The following TMF1 variants were observed in gnomAD, a reference collection of about 807,000 sequenced individuals.
TMF1 encodes the protein TATA element modulatory factor.
TMF1 carries 71 observed loss-of-function variants against 126.5 expected under a neutral mutation model. That is an observed-to-expected ratio of 0.56 (90% CI 0.46 to 0.68). The LOEUF (loss-of-function observed/expected upper bound fraction) is 0.68, where lower values mean the gene tolerates loss of function less well. TMF1 is among the 30% of genes least tolerant of loss of function. The pLI is 0.00. For missense variants in TMF1, 1,259 were observed against 1,253.2 expected, an observed-to-expected ratio of 1.00 and a Z score of -0.07; for synonymous variants, 461 against 430.5, an observed-to-expected ratio of 1.07 and a Z score of -0.88.
In TMF1 at chr3:69,052,072, G is replaced by T; in HGVS notation, c.15C>A (p.Asn5Lys). 6.2e-7 allele frequency: 1 copy of T among 1,611,708 alleles called. No individual in the cohort carries two copies. The highest frequency in any genetic ancestry group is 8.5e-7 in the Non-Finnish European group (1 of 1,179,330). Residue 5 changes from asparagine (N) to lysine (K), a missense_variant, in exon 1 of 17, where the codon AAC becomes AAA. Asn to Lys is a moderately conservative substitution (Grantham distance 94). Coordinates refer to ENST00000398559, the MANE Select transcript of TMF1 (RefSeq NM_007114.3). Reference sequence around the variant, plus strand: ...TAGCGAAGCTGGAGAGCTGGGAGGCGTTGAACCAACTCATCGCCCCTCCTC... The same window carrying T: ...TAGCGAAGCTGGAGAGCTGGGAGGCTTTGAACCAACTCATCGCCCCTCCTC... Reference protein sequence around the residue: MSWFNASQLSSFAKQ... With the variant: MSWFKASQLSSFAKQ...
rs548368102 is a variant in TMF1 at position 69,020,496 on chromosome 3, G to C, written c.*2681C>G. 10 of 152,090 alleles carry C rather than the reference G, an allele frequency of 6.6e-5. No homozygotes were observed. In the East Asian group the frequency reaches 1.9e-3, roughly 29 times the overall value. The allele number at this position is 152,090 out of a possible 1,614,324, so 9.4% of individuals were successfully genotyped here. ...TATATTCTTGAAAATGTTATTTGCA[G>C]CTTTTTTCTTTCAAGAATGGAAACA... is the stretch of plus-strand genomic sequence containing the variant. On this transcript the variant is annotated 3_prime_UTR_variant, in exon 17 of 17. Transcript: ENST00000398559.
In TMF1 at chr3:69,051,096, G is replaced by C. The variant is rs1240034191; in HGVS notation, c.142+849C>G. ...TCCTCCGCCGTGTGACCTAGAGCAAGTTACTTGGCCATTCTGGGCCTCATT... is the reference window on the plus strand; with the variant it reads ...TCCTCCGCCGTGTGACCTAGAGCAACTTACTTGGCCATTCTGGGCCTCATT... On this transcript the variant is annotated intron_variant, in intron 1 of 16. Transcript: ENST00000398559. Among the ~76,000 whole-genome samples the C allele has an allele frequency of 3.3e-5, 5 of 152,290 alleles. 1 individual carries two copies. The highest frequency in any genetic ancestry group is 1.3e-4 in the Admixed American group (2 of 15,298).
Position 69,038,908 on chromosome 3 carries a change from C to T in TMF1, c.1929G>A (p.Gln643=). The change falls in exon 7 of 17, where the codon CAG becomes CAA. Residue 643 remains glutamine, a synonymous_variant. Transcript: ENST00000398559. The part of the protein sequence containing the change: ...ERQEKDLGRL[Q]VDMDELEEKN... ...TTTCTTCAAGTTCATCCATGTCTAC[C>T]TGAAGACGGCCAAGATCTTTCTCTT... The T allele has an allele frequency of 1.9e-6, 3 of 1,612,836 alleles. No homozygotes were observed. Among genetic ancestry groups the T allele is most frequent in the Non-Finnish European group, 2.5e-6 (3 of 1,179,552 alleles).
intron 11 of TMF1, among the ~76,000 whole-genome samples, chr3:69,029,449 A>AT (rs67270234): frequency 0.031 from 4,448 of 144,362 alleles, 84 homozygotes; most frequent in African/African-American, 0.044. Context: ...TATTTAATTT[A>AT]TTTTTTTTTT....
Position 69,043,729 on chromosome 3 carries a change from ATTACT to A in TMF1, c.1578+16_1578+20del, listed in dbSNP as rs1162506931. 1.9e-6 allele frequency: 3 copies of A among 1,589,158 alleles called. No individual in the cohort carries two copies. Among genetic ancestry groups the A allele is most frequent in the Non-Finnish European group, 2.6e-6 (3 of 1,167,708 alleles). On this transcript the variant is annotated intron_variant, in intron 4 of 16. Transcript: ENST00000398559. ...TATATCTCTATAGAGTTTAATTAAT[ATTACT>A]TTAAATTTCAATTACCTTTTTAGCA... is the stretch of plus-strand genomic sequence containing the variant.
At chr3:69,023,576 G>T (rs537107189) in intron 16 of TMF1, among the ~76,000 whole-genome samples, 72 of 152,058 alleles carry the variant, frequency 4.7e-4, no homozygotes, top group African/African-American at 1.7e-3. Flanking sequence ...CCCCATATAT[G>T]ACTTCTCTCC....
chr3:69,043,548 C>T (rs1195235903), intron 4 of TMF1, among the ~76,000 whole-genome samples: 1 of 152,148 alleles, frequency 6.6e-6, no homozygotes, highest in African/African-American at 2.4e-5. Flanking sequence ...CTCAAGTGAT[C>T]CGCCCACTTC....
rs762756295 is a variant in TMF1 at position 69,048,075 on chromosome 3, T to A, written c.630A>T (p.Ile210=). The change falls in exon 2 of 17, where the codon ATA becomes ATT. Residue 210 remains isoleucine (I), a synonymous_variant. Transcript: ENST00000398559. ...TGAGAGACTGCGTAGACGTATTAGA[T>A]ATACTTTCCATAGTTGTTTTCACAT... ...VIDVKTTMES[I]SNTSTQSLTA... is the part of the protein sequence containing the mutation. 25 of 1,614,084 alleles carry A rather than the reference T, an allele frequency of 1.5e-5. No individual in the cohort carries two copies. The highest frequency in any genetic ancestry group is 3.3e-4 in the Middle Eastern group (2 of 6,084).
chr3:69,025,365 T>C (rs2091762404), intron 15 of TMF1, 195 bp downstream of exon 15: 1 of 498,632 alleles, frequency 2.0e-6, no homozygotes, highest in Non-Finnish European at 3.5e-6. Context: ...ATTAGCAGGT[T>C]CAGTTGGCTG....
chr3:69,035,745 A>G (rs1042639925), intron 8 of TMF1, among the ~76,000 whole-genome samples: 10 of 152,208 alleles, frequency 6.6e-5, no homozygotes, highest in Non-Finnish European at 1.5e-4. Flanking sequence ...ATTAAAAATT[A>G]CAATAAATGT....
chr3:69,024,606 C>T (rs932859836), intron 15 of TMF1, among the ~76,000 whole-genome samples: 7 of 152,052 alleles, frequency 4.6e-5, no homozygotes, highest in Admixed American at 1.3e-4. Flanking sequence ...CCCTGTATAG[C>T]ATACCAGCTA....
At chr3:69,039,714 T>A in intron 5 of TMF1, 21 bp from the exon 6 acceptor site, 1 of 1,600,554 alleles carries the variant, frequency 6.2e-7, no homozygotes, top group Non-Finnish European at 8.5e-7. Flanking sequence ...TAAAGAAGTA[T>A]AAACTCAAAT....
At chr3:69,038,493 CTAAT>C (rs1377048635) in intron 8 of TMF1, 67 bp downstream of exon 8, 2 of 1,505,016 alleles carry the variant, frequency 1.3e-6, no homozygotes, top group Non-Finnish European at 1.8e-6. Flanking sequence ...TTCAAACCAG[CTAAT>C]TGTTTAATTT....
At chr3:69,037,931 AC>A (rs1384792744) in intron 8 of TMF1, among the ~76,000 whole-genome samples, 1 of 152,236 alleles carries the variant, frequency 6.6e-6, no homozygotes, top group Non-Finnish European at 1.5e-5. Context: ...ATGTGGAGAA[AC>A]TGAAACCCTC....
At chr3:69,030,626 T>C (rs1435129336) in intron 10 of TMF1, 3 of 152,054 alleles carry the variant, frequency 2.0e-5, no homozygotes, top group South Asian at 2.1e-4. Context: ...GTAAACGACA[T>C]AGACAGAAAT....
Position 69,033,567 on chromosome 3 carries a change from C to T in TMF1, c.2382G>A (p.Lys794=), listed in dbSNP as rs1483525711. 1.2e-6 allele frequency: 2 copies of T among 1,612,910 alleles called. No homozygotes were observed. Among genetic ancestry groups the T allele is most frequent in the Non-Finnish European group, 1.7e-6 (2 of 1,179,720 alleles). The change falls in exon 10 of 17, where the codon AAG becomes AAA. Residue 794 remains lysine, a synonymous_variant. Coordinates refer to ENST00000398559, the MANE Select transcript of TMF1 (RefSeq NM_007114.3). ...AGTTACCAAGCCTATCAGAAAGATT[C>T]TTCTCTAATTTCTCCCACGACGATG... ...SQTSSWEKLE[K]NLSDRLGESQ...
intron 15 of TMF1, 154 bp from the exon 16 acceptor site, chr3:69,024,334 A>C (rs1221022088): frequency 1.6e-6 from 1 of 614,760 alleles, no homozygotes; most frequent in African/African-American, 1.9e-5. Flanking sequence ...TCTTAAGTAA[A>C]GGAAACAGTG....
chr3:69,039,344 T>C (rs2091850521), intron 6 of TMF1, among the ~76,000 whole-genome samples: 1 of 152,188 alleles, frequency 6.6e-6, no homozygotes, highest in African/African-American at 2.4e-5. Context: ...TCAAGTGATC[T>C]GCCTGTCGCA....
chr3:69,041,295 T>C (rs1169363723), intron 5 of TMF1, among the ~76,000 whole-genome samples: 3 of 152,212 alleles, frequency 2.0e-5, no homozygotes, highest in African/African-American at 7.2e-5. Flanking sequence ...TTTATCATTA[T>C]CTGTGTTCCT....
Sources: gnomAD v4.1 joint callset for allele counts (sites outside exome capture counted in the v4.1 genomes callset) on GRCh38, gnomAD v4.1.1 for gene constraint, MANE v1.5 for transcripts, NCBI Gene and HGNC (gene_info 2026-07-23, HGNC 2026-07-21) for gene names.